Variants in DLG1 observed in about 807,000 individuals in gnomAD.
DLG1 encodes the protein discs large MAGUK scaffold protein 1, also known as disks large homolog 1.
Under a neutral mutation model 123.4 loss-of-function variants are expected in DLG1, and 42 were observed. That is an observed-to-expected ratio of 0.34 (90% CI 0.27 to 0.44). The LOEUF is 0.44. DLG1 is among the 20% of genes least tolerant of loss of function. The pLI is 1.00. For synonymous variants in DLG1, 317 were observed against 356.2 expected (o/e 0.89, Z 1.24); for missense variants, 942 against 1,082.6 (o/e 0.87, Z 1.82).
rs1460575290 is a variant in DLG1 at position 197,211,564 on chromosome 3, C to T, written c.319-16975G>A. Among the ~76,000 whole-genome samples the T allele has an allele frequency of 2.7e-5, 4 of 146,254 alleles. 2 individuals carry two copies. The highest frequency in any genetic ancestry group is 6.1e-5 in the Non-Finnish European group (4 of 65,172). ...AATCAAACACACAATGAGATACCAT[C>T]TCCCACCTGTCAGAGTGGTTATTAT... is the stretch of plus-strand genomic sequence containing the variant. On this transcript the variant is annotated intron_variant, in intron 4 of 24. Transcript: ENST00000667157.
At chr3:197,091,934 A>G (rs931383131) in intron 14 of DLG1, among the ~76,000 whole-genome samples, 6 of 152,160 alleles carry the variant, frequency 3.9e-5, no homozygotes, top group African/African-American at 7.2e-5. Flanking sequence ...TTCTTTCACC[A>G]TAATCATCAA....
chr3:197,236,667 G>A (rs1259967935), intron 4 of DLG1, among the ~76,000 whole-genome samples: 1 of 152,130 alleles, frequency 6.6e-6, no homozygotes, highest in Non-Finnish European at 1.5e-5. Context: ...AGGGGGACAG[G>A]GGAAAGCTAC....
At chr3:197,184,804 C>T (rs1714836406) in intron 5 of DLG1, among the ~76,000 whole-genome samples, 1 of 152,108 alleles carries the variant, frequency 6.6e-6, no homozygotes, top group South Asian at 2.1e-4. Flanking sequence ...ACATAAATAC[C>T]ACTCTGGTTC....
At chr3:197,204,556 C>A (rs1204143608) in intron 4 of DLG1, among the ~76,000 whole-genome samples, 1 of 152,136 alleles carries the variant, frequency 6.6e-6, no homozygotes, top group Non-Finnish European at 1.5e-5. Context: ...TAAACTATTG[C>A]CTGTGGTTAA....
chr3:197,285,502 G>A (rs1308818079), intron 3 of DLG1, among the ~76,000 whole-genome samples: 1 of 151,792 alleles, frequency 6.6e-6, no homozygotes, highest in Non-Finnish European at 1.5e-5. Context: ...AGAAAATACT[G>A]GCAAAACACA....
At chr3:197,161,477 C>A (rs181885892) in intron 5 of DLG1, among the ~76,000 whole-genome samples, 3 of 152,276 alleles carry the variant, frequency 2.0e-5, no homozygotes, top group African/African-American at 7.2e-5. Context: ...CCTGACTCCA[C>A]TTATATTAAA....
intron 4 of DLG1, among the ~76,000 whole-genome samples, chr3:197,215,578 A>G (rs535509031): frequency 2.6e-5 from 4 of 152,270 alleles, no homozygotes; most frequent in African/African-American, 7.2e-5. Flanking sequence ...AGAAGATAAC[A>G]TAACGGTCAG....
chr3:197,120,836 G>A (rs1232879390), intron 11 of DLG1, among the ~76,000 whole-genome samples: 1 of 152,130 alleles, frequency 6.6e-6, no homozygotes, highest in Non-Finnish European at 1.5e-5. Flanking sequence ...TCATATATAA[G>A]ATGCTCGTTT....
chr3:197,186,390 A>G (rs1489782744), intron 5 of DLG1, among the ~76,000 whole-genome samples: 3 of 152,230 alleles, frequency 2.0e-5, no homozygotes, highest in Admixed American at 6.5e-5. Flanking sequence ...ATGGTATGCA[A>G]TCTAAACCAC....
intron 17 of DLG1, among the ~76,000 whole-genome samples, chr3:197,078,231 T>C (rs1205946216): frequency 3.3e-5 from 5 of 151,784 alleles, no homozygotes; most frequent in Non-Finnish European, 7.4e-5. Context: ...GGAGAATCAC[T>C]TGAACCCAGG....
chr3:197,073,270 C>G (rs1291043820), intron 18 of DLG1, among the ~76,000 whole-genome samples: 2 of 152,204 alleles, frequency 1.3e-5, no homozygotes, highest in African/African-American at 2.4e-5. Context: ...AGGAAACCTA[C>G]GTGCCTGAGG....
chr3:197,067,551 G>GT (rs199907948), intron 19 of DLG1, among the ~76,000 whole-genome samples: 12,507 of 106,404 alleles, frequency 0.12, 1,365 homozygotes, highest in South Asian at 0.25. Flanking sequence ...AACTCTGAGA[G>GT]TTTTTTTTTT....
intron 3 of DLG1, among the ~76,000 whole-genome samples, chr3:197,289,815 T>C (rs1327631766): frequency 2.0e-5 from 3 of 152,230 alleles, no homozygotes; most frequent in Non-Finnish European, 2.9e-5. Context: ...GTTTGTACTA[T>C]TGTTTCACAC....
chr3:197,169,998 G>A (rs769172507), intron 5 of DLG1, among the ~76,000 whole-genome samples: 3 of 152,160 alleles, frequency 2.0e-5, no homozygotes, highest in Non-Finnish European at 2.9e-5. Context: ...ACTTATAAGC[G>A]AGAACATGCG....
At chr3:197,224,349 A>G (rs1188648280) in intron 4 of DLG1, among the ~76,000 whole-genome samples, 1 of 152,124 alleles carries the variant, frequency 6.6e-6, no homozygotes, top group South Asian at 2.1e-4. Context: ...AACATCTTAT[A>G]TACATAAGAT....
chr3:197,075,617 G>C (rs1746738275), intron 18 of DLG1, among the ~76,000 whole-genome samples: 1 of 152,112 alleles, frequency 6.6e-6, no homozygotes. Flanking sequence ...TTACGAGCAA[G>C]AGAATTTTTC....
Position 197,047,611 on chromosome 3 carries a change from A to AAAT in DLG1, c.2576-2885_2576-2883dup, listed in dbSNP as rs1028932707. 1.7e-4 allele frequency among the ~76,000 whole-genome samples: 26 copies of AAAT among 152,022 alleles called. 1 individual carries two copies. The highest frequency in any genetic ancestry group is 5.8e-4 in the African/African-American group (24 of 41,466). ...CTACCTACTTTTTTTTTTTTTAAACAAATAGTATTTCAAAACGGATCAAAG... is the reference window on the plus strand; with the variant it reads ...CTACCTACTTTTTTTTTTTTTAAACAAATAATAGTATTTCAAAACGGATCAAAG... On this transcript the variant is annotated intron_variant, in intron 24 of 24. Coordinates refer to ENST00000667157, the MANE Select transcript of DLG1 (RefSeq NM_001366207.1).
At chr3:197,269,744 G>T (rs1763152006) in intron 4 of DLG1, among the ~76,000 whole-genome samples, 1 of 152,150 alleles carries the variant, frequency 6.6e-6, no homozygotes, top group Non-Finnish European at 1.5e-5. Context: ...GCTATAGCAA[G>T]AATGAATTCA....
At position 197,290,398 on chromosome 3, in the gene DLG1, A is replaced by T. The variant is rs182711276; in HGVS notation, c.151+5948T>A. On this transcript the variant is annotated intron_variant, in intron 3 of 24. Transcript: ENST00000667157. Reference sequence around the variant, plus strand: ...TACATGGTGTTAAAGTGTCTCCCCCACATATTGCCTATAAGCCACAAGGGG... The same window carrying T: ...TACATGGTGTTAAAGTGTCTCCCCCTCATATTGCCTATAAGCCACAAGGGG... Among the ~76,000 whole-genome samples, 3 of 152,266 alleles carry T rather than the reference A, an allele frequency of 2.0e-5. No individual in the cohort carries two copies. The East Asian group carries it at 5.8e-4, about 29-fold the overall frequency.
Sources: allele counts gnomAD v4.1 joint callset (sites outside exome capture counted in the v4.1 genomes callset), GRCh38; gene constraint gnomAD v4.1.1; transcripts MANE v1.5; gene names NCBI Gene and HGNC (gene_info 2026-07-23, HGNC 2026-07-21).